TRPM3: variants seen among roughly 807,000 people sequenced by gnomAD.
The protein encoded by TRPM3 is transient receptor potential cation channel subfamily M member 3.
TRPM3 carries 77 observed loss-of-function variants against 181.2 expected under a neutral mutation model. That is an observed-to-expected ratio of 0.42 (90% CI 0.35 to 0.51). The LOEUF is 0.51. Among genes scored for constraint, TRPM3 ranks in the 20% least tolerant of loss-of-function variants. The pLI, the probability that TRPM3 is intolerant of heterozygous loss-of-function variation, is 0.01. For missense variants in TRPM3, 1,759 were observed against 2,196.7 expected (o/e 0.80, Z 3.98); for synonymous variants, 745 against 796.4 (o/e 0.94, Z 1.09).
intron 1 of TRPM3, among the ~76,000 whole-genome samples, chr9:71,243,871 C>T (rs1312771353): frequency 6.6e-6 from 1 of 152,120 alleles, no homozygotes; most frequent in African/African-American, 2.4e-5. Flanking sequence ...CTCTAAAATA[C>T]AGACTTTACC....
chr9:71,225,260 A>G (rs989050738), intron 1 of TRPM3, among the ~76,000 whole-genome samples: 21 of 152,164 alleles, frequency 1.4e-4, no homozygotes, highest in African/African-American at 4.8e-4. Flanking sequence ...ATAGAGCTCC[A>G]ATATGTCTTG....
intron 1 of TRPM3, among the ~76,000 whole-genome samples, chr9:71,192,085 G>A (rs1011200740): frequency 6.6e-6 from 1 of 151,774 alleles, no homozygotes; most frequent in Admixed American, 6.6e-5. Context: ...GAAGGCAGTG[G>A]CTTAAATCTT....
intron 1 of TRPM3, among the ~76,000 whole-genome samples, chr9:71,048,208 C>T (rs1006428164): frequency 2.6e-5 from 4 of 152,116 alleles, no homozygotes; most frequent in Admixed American, 2.6e-4. Context: ...TTTCATCATT[C>T]CATCCCCTAC....
chr9:70,796,711 G>A (rs2087131218), intron 6 of TRPM3, among the ~76,000 whole-genome samples: 2 of 152,184 alleles, frequency 1.3e-5, no homozygotes, highest in Admixed American at 1.3e-4. Flanking sequence ...CTTTTGATGT[G>A]GGTTTTGAAC....
chr9:70,964,867 G>A (rs2097171112), intron 1 of TRPM3, among the ~76,000 whole-genome samples: 1 of 152,036 alleles, frequency 6.6e-6, no homozygotes, highest in Admixed American at 6.6e-5. Flanking sequence ...GACAATAAAA[G>A]TTGAGATCAG....
At chr9:71,442,368 T>G (rs2094146868) in intron 1 of TRPM3, among the ~76,000 whole-genome samples, 1 of 152,296 alleles carries the variant, frequency 6.6e-6, no homozygotes, top group South Asian at 2.1e-4. Context: ...GAGACTAAAT[T>G]AAATCTGCAT....
At chr9:71,182,573 T>G (rs959737403) in intron 1 of TRPM3, among the ~76,000 whole-genome samples, 3 of 152,284 alleles carry the variant, frequency 2.0e-5, no homozygotes, top group African/African-American at 7.2e-5. Context: ...AAGACACTTT[T>G]AGCATTTTTG....
chr9:70,689,177 C>T (rs547488273), intron 8 of TRPM3, among the ~76,000 whole-genome samples: 2 of 152,164 alleles, frequency 1.3e-5, no homozygotes, highest in South Asian at 2.1e-4. Flanking sequence ...GGGTCAATCA[C>T]CCAGTCAAGC....
chr9:70,654,359 C>T (rs1385413658), intron 9 of TRPM3, among the ~76,000 whole-genome samples: 1 of 151,992 alleles, frequency 6.6e-6, no homozygotes, highest in African/African-American at 2.4e-5. Context: ...CCATAATGTG[C>T]AGTGGCCCTT....
At chr9:71,185,704 T>C (rs1565316189) in intron 1 of TRPM3, among the ~76,000 whole-genome samples, 1 of 152,026 alleles carries the variant, frequency 6.6e-6, no homozygotes, top group Non-Finnish European at 1.5e-5. Flanking sequence ...TGACACTGCT[T>C]TGGGTAGTCA....
chr9:70,666,231 C>T (rs188864691), intron 9 of TRPM3, among the ~76,000 whole-genome samples: 39 of 152,348 alleles, frequency 2.6e-4, no homozygotes, highest in African/African-American at 9.1e-4. Flanking sequence ...GCAAGGTCTG[C>T]CAGCTCTTGC....
intron 1 of TRPM3, among the ~76,000 whole-genome samples, chr9:71,031,702 T>C (rs2057323626): frequency 6.6e-6 from 1 of 151,600 alleles, no homozygotes; most frequent in Admixed American, 6.6e-5. Flanking sequence ...CCTTTTTATA[T>C]GTAAAAATCT....
chr9:71,258,855 T>C (rs1199440009), intron 1 of TRPM3, among the ~76,000 whole-genome samples: 2 of 152,206 alleles, frequency 1.3e-5, no homozygotes, highest in Admixed American at 1.3e-4. Flanking sequence ...GGTATCATGA[T>C]GAATTTTTAC....
At chr9:70,623,166 A>T (rs1489030541) in intron 14 of TRPM3, among the ~76,000 whole-genome samples, 1 of 152,110 alleles carries the variant, frequency 6.6e-6, no homozygotes, top group East Asian at 1.9e-4. Context: ...AGAGTTTAAG[A>T]CCAGCCTGGC....
chr9:70,823,948 T>C (rs1384021723), intron 6 of TRPM3, among the ~76,000 whole-genome samples: 4 of 152,226 alleles, frequency 2.6e-5, no homozygotes, highest in Non-Finnish European at 4.4e-5. Context: ...TCCTGACTGT[T>C]GGCTGTAGGA....
At chr9:71,377,636 C>T (rs1016807962) in intron 1 of TRPM3, among the ~76,000 whole-genome samples, 2 of 151,682 alleles carry the variant, frequency 1.3e-5, no homozygotes, top group South Asian at 4.2e-4. Context: ...TGAAGTATAA[C>T]ATATATAGAA....
At chr9:70,668,732 T>C (rs996820443) in intron 9 of TRPM3, among the ~76,000 whole-genome samples, 5 of 151,560 alleles carry the variant, frequency 3.3e-5, no homozygotes, top group African/African-American at 1.2e-4. Context: ...TTGTTATTGT[T>C]GTATGTTAGA....
At chr9:70,745,857 G>A (rs1239366035) in intron 8 of TRPM3, among the ~76,000 whole-genome samples, 1 of 152,124 alleles carries the variant, frequency 6.6e-6, no homozygotes, top group Non-Finnish European at 1.5e-5. Context: ...AGATGAAATC[G>A]AAAGTCCTGA....
chr9:70,915,171 G>C (rs2096578548), intron 1 of TRPM3, among the ~76,000 whole-genome samples: 1 of 152,124 alleles, frequency 6.6e-6, no homozygotes, highest in African/African-American at 2.4e-5. Flanking sequence ...TAGCTGTTTT[G>C]AGGAAACTCA....
Sources: gnomAD v4.1 joint callset for allele counts (sites outside exome capture counted in the v4.1 genomes callset) on GRCh38, gnomAD v4.1.1 for gene constraint, MANE v1.5 for transcripts, NCBI Gene and HGNC (gene_info 2026-07-23, HGNC 2026-07-21) for gene names.